Variants in SUGP2 observed in about 807,000 individuals in gnomAD.
SUGP2 encodes SURP and G-patch domain containing 2, also known as SURP and G-patch domain-containing protein 2.
In SUGP2, 24 loss-of-function variants were observed where a neutral mutation model predicts 90.5. The ratio of observed to expected loss-of-function variants is 0.27; its 90% CI spans 0.19 to 0.37. The LOEUF is 0.37. SUGP2 is among the 10% of genes least tolerant of loss of function. The pLI is 1.00. For missense variants in SUGP2, 1,233 were observed against 1,363.3 expected (o/e 0.90, Z 1.51); for synonymous variants, 473 against 513.4 (o/e 0.92, Z 1.06).
At chr19:18,994,189 GA>G in intron 10 of SUGP2, 176 bp downstream of exon 10, 1 of 842,594 alleles carries the variant, frequency 1.2e-6, no homozygotes, top group Non-Finnish European at 1.8e-6. Flanking sequence ...TGGAAGGTAA[GA>G]ATGGGGCATA....
At position 19,017,546 on chromosome 19, in the gene SUGP2, C is replaced by T. The variant is rs147441954; in HGVS notation, c.1850+1563G>A. ...CAGCACTTTGGGAGGCCAAGGCAGG[C>T]GGATCGCATGATTTCAGGAGTTCAA... On this transcript the variant is annotated intron_variant, in intron 4 of 10. Coordinates refer to ENST00000452918, the MANE Select transcript of SUGP2 (RefSeq NM_001017392.5). 4.1e-3 allele frequency among the ~76,000 whole-genome samples: 627 copies of T among 151,538 alleles called. 7 individuals are homozygous for T. The highest frequency in any genetic ancestry group is 0.014 in the African/African-American group (598 of 41,304).
chr19:19,021,832 A>G (rs963473642), intron 3 of SUGP2, among the ~76,000 whole-genome samples: 1 of 151,702 alleles, frequency 6.6e-6, no homozygotes, highest in Non-Finnish European at 1.5e-5. Context: ...ATGCCAGGCT[A>G]ATTTTTGATT....
intron 4 of SUGP2, among the ~76,000 whole-genome samples, chr19:19,015,711 G>A (rs549108151): frequency 6.6e-6 from 1 of 152,214 alleles, no homozygotes; most frequent in Non-Finnish European, 1.5e-5. Flanking sequence ...CACTATGTTG[G>A]CCAGGCTGGT....
chr19:19,000,176 C>T (rs970752011), intron 8 of SUGP2, among the ~76,000 whole-genome samples: 2 of 152,242 alleles, frequency 1.3e-5, no homozygotes, highest in Non-Finnish European at 2.9e-5. Context: ...TCCTCTGCTG[C>T]CACAAAGGCC....
chr19:18,995,184 G>A lies in SUGP2; in HGVS notation c.3088C>T (p.Leu1030=), dbSNP rs200294780. ...CTGATGCCCTTTCCGAGGGAGCCCA[G>A]GCCATGGCCCTCCTTCCAGCCCATC... ...QKMGWKEGHG[L]GSLGKGIREP... The change falls in exon 9 of 11, where the codon CTG becomes TTG. Residue 1030 remains leucine, a synonymous_variant. Coordinates refer to ENST00000452918, the MANE Select transcript of SUGP2 (RefSeq NM_001017392.5). 5.4e-5 allele frequency: 86 copies of A among 1,590,828 alleles called. No homozygotes were observed. Among genetic ancestry groups the A allele is most frequent in the Non-Finnish European group, 7.4e-5 (86 of 1,167,344 alleles).
chr19:18,994,632 C>T (rs1174351629), intron 9 of SUGP2, 146 bp from the exon 10 acceptor site: 9 of 1,169,240 alleles, frequency 7.7e-6, no homozygotes, highest in East Asian at 5.0e-5. Flanking sequence ...CAAGACGCGA[C>T]TCACAGTAGA....
rs1185883209 is a variant in SUGP2, at chr19:19,030,951, C to A, written c.121G>T (p.Asp41Tyr). Residue 41 changes from aspartate to tyrosine, a missense_variant and splice_region_variant, in exon 2 of 11, where the codon GAT becomes TAT. By Grantham distance (160) the Asp-to-Tyr change is radical. Coordinates refer to ENST00000452918, the MANE Select transcript of SUGP2 (RefSeq NM_001017392.5). Reference protein sequence around the residue: ...VSETLQFKAQDLLRAVPRSRA... With the variant: ...VSETLQFKAQYLLRAVPRSRA... ...CTACAACAACAACACTTTATTTTAC[C>A]TTGAGCTTTAAACTGAAGAGTTTCG... 6.2e-7 allele frequency: 1 copy of A among 1,609,126 alleles called. No individual in the cohort carries two copies. The highest frequency in any genetic ancestry group is 1.1e-5 in the South Asian group (1 of 90,160).
intron 4 of SUGP2, among the ~76,000 whole-genome samples, chr19:19,012,369 C>G (rs2058341945): frequency 6.6e-6 from 1 of 152,184 alleles, no homozygotes; most frequent in African/African-American, 2.4e-5. Context: ...CCTGACTGCC[C>G]CAGTCACTCA....
rs2057429928 is a variant in SUGP2, at chr19:18,993,060, T to C, written c.*681A>G. On this transcript the variant is annotated 3_prime_UTR_variant, in exon 11 of 11. Coordinates refer to ENST00000452918, the MANE Select transcript of SUGP2 (RefSeq NM_001017392.5). ...AACTGTAGTTTGCTTACACTGTGGA[T>C]TCTAAAGAGACATGTAAATCTGGGG... 6.6e-6 allele frequency: 1 copy of C among 152,176 alleles called. No individual in the cohort carries two copies. The highest frequency in any genetic ancestry group is 1.5e-5 in the Non-Finnish European group (1 of 68,034). 9.4% of individuals were successfully genotyped at this position (152,176 alleles called of 1,614,324 possible).
intron 4 of SUGP2, among the ~76,000 whole-genome samples, chr19:19,017,772 A>G (rs1467029670): frequency 6.6e-6 from 1 of 151,812 alleles, no homozygotes; most frequent in Non-Finnish European, 1.5e-5. Context: ...TTCCGTTAAC[A>G]AATAATAATA....
chr19:18,996,769 C>T (rs771768370), intron 8 of SUGP2, among the ~76,000 whole-genome samples: 6 of 152,176 alleles, frequency 3.9e-5, no homozygotes, highest in Non-Finnish European at 7.3e-5. Flanking sequence ...CCATGCTGGT[C>T]TTGATCAAAC....
At chr19:19,017,762 T>C (rs1185538795) in intron 4 of SUGP2, among the ~76,000 whole-genome samples, 2 of 151,148 alleles carry the variant, frequency 1.3e-5, no homozygotes, top group Non-Finnish European at 2.9e-5. Context: ...CAGAGCAAGA[T>C]TCCGTTAACA....
upstream of SUGP2, chr19:19,033,531 A>T (rs1213533508): frequency 2.9e-6 from 4 of 1,393,780 alleles, no homozygotes; most frequent in Admixed American, 1.2e-4. Flanking sequence ...CAAATGAACC[A>T]ACGGTCTCCG....
chr19:19,013,517 A>G (rs2058382114), intron 4 of SUGP2, among the ~76,000 whole-genome samples: 2 of 152,336 alleles, frequency 1.3e-5, no homozygotes, highest in East Asian at 3.9e-4. Context: ...ATCAATATCC[A>G]GAATTACCCT....
chr19:19,007,753 G>C (rs2058138425), intron 6 of SUGP2, among the ~76,000 whole-genome samples: 1 of 130,396 alleles, frequency 7.7e-6, no homozygotes, highest in Admixed American at 8.0e-5. Flanking sequence ...ATTGCACCTA[G>C]CCTTTTTTTT....
At chr19:19,011,870 A>G (rs1470118953) in intron 4 of SUGP2, among the ~76,000 whole-genome samples, 2 of 152,216 alleles carry the variant, frequency 1.3e-5, no homozygotes, top group African/African-American at 4.8e-5. Context: ...CACAACAAAC[A>G]TAACAGACTT....
rs1203616377 is a variant in SUGP2, at chr19:19,007,916, T to C, written c.2450+401A>G. Among the ~76,000 whole-genome samples the C allele has an allele frequency of 2.0e-5, 3 of 152,098 alleles. No homozygotes were observed. In the East Asian group the frequency reaches 5.8e-4, roughly 29 times the overall value. On this transcript the variant is annotated intron_variant, in intron 6 of 10. Transcript: ENST00000452918. ...CTGGGATTACAGGTGCTTGCCACCATGCCCGGCTAATTTTTGTATTTTTGT... is the reference window on the plus strand; with the variant it reads ...CTGGGATTACAGGTGCTTGCCACCACGCCCGGCTAATTTTTGTATTTTTGT...
chr19:19,026,310 C>A, intron 2 of SUGP2, 84 bp from the exon 3 acceptor site: 1 of 1,351,220 alleles, frequency 7.4e-7, no homozygotes, highest in Non-Finnish European at 9.8e-7. Flanking sequence ...AACAAACAGT[C>A]CACGGATCAC....
At chr19:19,010,615 G>C (rs146082682) in intron 4 of SUGP2, among the ~76,000 whole-genome samples, 1 of 152,272 alleles carries the variant, frequency 6.6e-6, no homozygotes, top group African/African-American at 2.4e-5. Context: ...TGATGGCCTG[G>C]AAACACAAAC....
Sources: allele counts gnomAD v4.1 joint callset (sites outside exome capture counted in the v4.1 genomes callset), GRCh38; gene constraint gnomAD v4.1.1; transcripts MANE v1.5; gene names NCBI Gene and HGNC (gene_info 2026-07-23, HGNC 2026-07-21).